Variants in UBQLN1 observed in about 807,000 individuals in gnomAD.
UBQLN1 encodes the protein ubiquilin 1.
A neutral mutation model predicts 65.4 loss-of-function variants in UBQLN1; 13 were observed. That is an observed-to-expected ratio of 0.20 (90% CI 0.13 to 0.32). The LOEUF is 0.32. UBQLN1 is among the 10% of genes least tolerant of loss of function. The probability of loss-of-function intolerance (pLI) is 1.00; values close to 1 mark genes in which losing one functional copy is unlikely to be tolerated. For missense variants in UBQLN1, 561 were observed against 724.0 expected, an observed-to-expected ratio of 0.77 and a Z score of 2.58; for synonymous variants, 267 against 247.8, an observed-to-expected ratio of 1.08 and a Z score of -0.73.
intron 1 of UBQLN1, among the ~76,000 whole-genome samples, chr9:83,705,244 TC>T (rs1832380301): frequency 1.2e-5 from 1 of 82,628 alleles, no homozygotes; most frequent in Non-Finnish European, 2.2e-5. Context: ...AAGCCAGCAC[TC>T]CTTTTTTTTT....
intron 1 of UBQLN1, among the ~76,000 whole-genome samples, chr9:83,698,641 G>A (rs563532130): frequency 7.2e-5 from 11 of 152,210 alleles, no homozygotes; most frequent in Non-Finnish European, 1.0e-4. Flanking sequence ...GGCTGGGTGC[G>A]GTGGCTCACA....
chr9:83,680,047 T>C lies in UBQLN1; in HGVS notation c.449-10A>G. 2 of 1,597,264 alleles carry C rather than the reference T, an allele frequency of 1.3e-6. No individual in the cohort carries two copies. Among genetic ancestry groups the C allele is most frequent in the Non-Finnish European group, 1.7e-6 (2 of 1,169,850 alleles). ...AGTCCCCCAAGGCCACCTAAGAGGA[T>C]AAAGGGCAAAAACATACAAATCAAA... is the stretch of plus-strand genomic sequence containing the variant. On this transcript the variant is annotated splice_polypyrimidine_tract_variant and intron_variant, in intron 3 of 10. Transcript: ENST00000376395.
In UBQLN1 at chr9:83,678,492, C is replaced by T; in HGVS notation, c.819G>A (p.Arg273=). The T allele has an allele frequency of 6.2e-7, 1 of 1,614,040 alleles. No individual in the cohort carries two copies. The highest frequency in any genetic ancestry group is 8.5e-7 in the Non-Finnish European group (1 of 1,179,982). ...GTTCCTGAATATCTGTGTACATGCG[C>T]CTTAAAGCATTATATCCCCCTGGGA... is the stretch of plus-strand genomic sequence containing the variant. ...ESIPGGYNAL[R]RMYTDIQEPM... is the part of the protein sequence containing the mutation. The change falls in exon 5 of 11, where the codon AGG becomes AGA. Residue 273 remains arginine (R), a synonymous_variant. Transcript: ENST00000376395.
chr9:83,678,690 A>T, intron 4 of UBQLN1, 91 bp from the exon 5 acceptor site: 1 of 1,262,858 alleles, frequency 7.9e-7, no homozygotes, highest in East Asian at 2.4e-5. Context: ...CATTAAACAA[A>T]GTTTATGGGA....
chr9:83,697,739 T>C (rs998272777), intron 1 of UBQLN1, among the ~76,000 whole-genome samples: 1 of 142,040 alleles, frequency 7.0e-6, no homozygotes, highest in African/African-American at 2.6e-5. Flanking sequence ...TACCCTTTTT[T>C]TTTTTTTTTT....
intron 1 of UBQLN1, among the ~76,000 whole-genome samples, chr9:83,689,868 A>G (rs1159148653): frequency 6.6e-6 from 1 of 152,204 alleles, no homozygotes; most frequent in African/African-American, 2.4e-5. Flanking sequence ...AGAAATTGAA[A>G]CAGGAATTTC....
chr9:83,663,178 A>G (rs1466848167), intron 10 of UBQLN1, among the ~76,000 whole-genome samples: 1 of 151,902 alleles, frequency 6.6e-6, no homozygotes, highest in Non-Finnish European at 1.5e-5. Context: ...GGAAAAGGAA[A>G]GGGGAAAGGA....
At chr9:83,667,923 G>A in intron 7 of UBQLN1, 1 of 982,928 alleles carries the variant, frequency 1.0e-6, no homozygotes, top group Non-Finnish European at 1.2e-6. Flanking sequence ...TTGTTTTAGA[G>A]TAAAAAAATA....
chr9:83,686,868 A>G (rs1832049130), intron 1 of UBQLN1, among the ~76,000 whole-genome samples: 1 of 152,100 alleles, frequency 6.6e-6, no homozygotes, highest in Non-Finnish European at 1.5e-5. Flanking sequence ...TCAAATTAGG[A>G]ATGCTGAACC....
rs1349923251 is a variant in UBQLN1, at chr9:83,683,008, A to C, written c.391T>G (p.Ser131Ala). 1.9e-6 allele frequency: 3 copies of C among 1,612,638 alleles called. No homozygotes were observed. The highest frequency in any genetic ancestry group is 2.5e-6 in the Non-Finnish European group (3 of 1,179,778). The stretch of plus-strand genomic sequence containing the variant: ...GATGTAGAGTTACTATTAGGAGTTG[A>C]TGATGTAGTAACATTGCTTCCAGCT... ...NTAGSNVTTSSTPNSNSTSGS... is the reference protein window; with the variant it reads ...NTAGSNVTTSATPNSNSTSGS... Residue 131 changes from serine (S) to alanine (A), a missense_variant, in exon 3 of 11, where the codon TCA (serine) becomes GCA (alanine). Physicochemically the swap from Ser to Ala is moderately conservative, Grantham distance 99. Coordinates refer to ENST00000376395, the MANE Select transcript of UBQLN1 (RefSeq NM_013438.5).
intron 6 of UBQLN1, among the ~76,000 whole-genome samples, chr9:83,674,938 A>G (rs1831805764): frequency 6.6e-6 from 1 of 152,250 alleles, no homozygotes. Context: ...TGCAGAATTA[A>G]AACGACTTAG....
rs149127525 is a variant in UBQLN1 at position 83,700,308 on chromosome 9, AG to A, written c.180+7191del. 7.6e-4 allele frequency among the ~76,000 whole-genome samples: 116 copies of A among 152,174 alleles called. No individual in the cohort carries two copies. In the East Asian group the frequency reaches 0.018, roughly 23 times the overall value. The stretch of plus-strand genomic sequence containing the variant: ...GGTGACCTGGGGGGAACAGCTTAAG[AG>A]GAAGCTTCCACAAAAGGACTGGGAG... On this transcript the variant is annotated intron_variant, in intron 1 of 10. Coordinates refer to ENST00000376395, the MANE Select transcript of UBQLN1 (RefSeq NM_013438.5).
At chr9:83,706,548 T>C (rs1832410373) in intron 1 of UBQLN1, among the ~76,000 whole-genome samples, 1 of 152,238 alleles carries the variant, frequency 6.6e-6, no homozygotes, top group African/African-American at 2.4e-5. Flanking sequence ...TCAGGAATTG[T>C]TGTTTCCTGT....
rs758691023 is a variant in UBQLN1, at chr9:83,686,163, A to C, written c.181-8T>G. 2.1e-5 allele frequency: 32 copies of C among 1,517,782 alleles called. 1 individual carries two copies. In the South Asian group the frequency reaches 3.7e-4, roughly 18 times the overall value. 94.0% of individuals were successfully genotyped at this position (1,517,782 alleles called of 1,614,324 possible). On this transcript the variant is annotated splice_region_variant and splice_polypyrimidine_tract_variant and intron_variant, in intron 1 of 10. Transcript: ENST00000376395. ...AGAGATTTCTTCCTTAAACTAAATA[A>C]AAATAAAATAAGTATGTATTACAGT...
At chr9:83,669,110 C>A in intron 7 of UBQLN1, 75 bp downstream of exon 7, 2 of 1,525,094 alleles carry the variant, frequency 1.3e-6, no homozygotes, top group East Asian at 2.4e-5. Context: ...CACAAATGTG[C>A]CAAAATCACA....
intron 10 of UBQLN1, among the ~76,000 whole-genome samples, chr9:83,663,608 T>A (rs1239015429): frequency 6.6e-6 from 1 of 152,184 alleles, no homozygotes. Context: ...AATGCATTTT[T>A]AAAGGCAATT....
In UBQLN1 at chr9:83,665,084, T is replaced by A. The variant is rs774851976; in HGVS notation, c.1394A>T (p.Gln465Leu). ...SNPRAMQALL[Q>L]IQQGLQTLAT... ...TAATGTCTGTAAACCCTGCTGAATCTGTAACAAGGCCTGCATTGCTCTAGG... is the reference window on the plus strand; with the variant it reads ...TAATGTCTGTAAACCCTGCTGAATCAGTAACAAGGCCTGCATTGCTCTAGG... Residue 465 changes from glutamine (Q) to leucine (L), a missense_variant, in exon 9 of 11, where the codon CAG becomes CTG. By Grantham distance (113) the Gln-to-Leu change is moderately radical (BLOSUM62 -2). Coordinates refer to ENST00000376395, the MANE Select transcript of UBQLN1 (RefSeq NM_013438.5). The A allele has an allele frequency of 2.5e-6, 4 of 1,614,068 alleles. No homozygotes were observed. The highest frequency in any genetic ancestry group is 2.5e-6 in the Non-Finnish European group (3 of 1,179,994).
intron 1 of UBQLN1, among the ~76,000 whole-genome samples, chr9:83,688,233 C>T (rs530109530): frequency 3.3e-5 from 5 of 152,272 alleles, no homozygotes; most frequent in African/African-American, 1.2e-4. Context: ...TAATACTCAA[C>T]AATTTTTCGA....
chr9:83,670,215 C>T (rs552867413), intron 6 of UBQLN1, among the ~76,000 whole-genome samples: 1 of 152,106 alleles, frequency 6.6e-6, no homozygotes, highest in South Asian at 2.1e-4. Context: ...CTCAAACTTA[C>T]TATGCCAAGT....
Sources: gnomAD v4.1 joint callset for allele counts (sites outside exome capture counted in the v4.1 genomes callset) on GRCh38, gnomAD v4.1.1 for gene constraint, MANE v1.5 for transcripts, NCBI Gene and HGNC (gene_info 2026-07-23, HGNC 2026-07-21) for gene names.